PIK3C2G: variants seen among roughly 807,000 people sequenced by gnomAD.
PIK3C2G encodes phosphatidylinositol 3-kinase C2 domain-containing subunit gamma.
PIK3C2G carries 168 observed loss-of-function variants against 181.1 expected under a neutral mutation model. That is an observed-to-expected ratio of 0.93 (90% CI 0.82 to 1.05). The LOEUF is 1.05. Ranked by LOEUF, PIK3C2G falls within the 50% of genes least tolerant of loss-of-function variation. The pLI is 0.00. For missense variants in PIK3C2G, 1,869 were observed against 1,732.8 expected (o/e 1.08, Z -1.40); for synonymous variants, 573 against 592.2 (o/e 0.97, Z 0.47).
At chr12:18,706,568 C>A in the PIK3C2G span, among the ~76,000 whole-genome samples, 1 of 152,150 alleles carries the variant, frequency 6.6e-6, no homozygotes, top group African/African-American at 2.4e-5. Flanking sequence ...GTATTTTCTG[C>A]CCTTTCTCAT....
intron 21 of PIK3C2G, among the ~76,000 whole-genome samples, chr12:18,496,670 T>C (rs1325835481): frequency 6.6e-6 from 1 of 152,112 alleles, no homozygotes; most frequent in Non-Finnish European, 1.5e-5. Context: ...TATAAGCACG[T>C]AGGAAAGAGG....
At chr12:18,334,965 C>T (rs1041053800) in intron 8 of PIK3C2G, among the ~76,000 whole-genome samples, 3 of 152,064 alleles carry the variant, frequency 2.0e-5, no homozygotes, top group Non-Finnish European at 4.4e-5. Context: ...CAAAAAGTCA[C>T]AATAGCCTAG....
chr12:18,331,315 T>C (rs1448058129), intron 8 of PIK3C2G, among the ~76,000 whole-genome samples: 1 of 152,224 alleles, frequency 6.6e-6, no homozygotes, highest in Non-Finnish European at 1.5e-5. Flanking sequence ...CAATTTAATC[T>C]GATCTATTTC....
intron 24 of PIK3C2G, among the ~76,000 whole-genome samples, chr12:18,532,663 G>C (rs915683702): frequency 6.6e-6 from 1 of 152,064 alleles, no homozygotes. Context: ...TATTTATTCT[G>C]TTCCATTAGC....
intron 18 of PIK3C2G, among the ~76,000 whole-genome samples, chr12:18,450,249 C>A (rs1250468904): frequency 1.3e-5 from 2 of 152,208 alleles, no homozygotes; most frequent in Non-Finnish European, 2.9e-5. Context: ...GCCTCAGCAT[C>A]CCAAGTAGCT....
At chr12:18,640,368 T>C (rs1197193033) in intron 31 of PIK3C2G, 61 bp from the exon 32 acceptor site, 1 of 1,435,604 alleles carries the variant, frequency 7.0e-7, no homozygotes, top group Non-Finnish European at 9.6e-7. Flanking sequence ...ATTTAGTAGC[T>C]CTGTATTTGT....
chr12:18,695,082 G>C, the PIK3C2G span: 1 of 1,611,588 alleles, frequency 6.2e-7, no homozygotes, highest in Non-Finnish European at 8.5e-7. Flanking sequence ...TAAAGCCACT[G>C]TAAGAAAGAA....
chr12:18,630,948 T>C (rs1482253155), intron 31 of PIK3C2G, among the ~76,000 whole-genome samples: 1 of 151,694 alleles, frequency 6.6e-6, no homozygotes, highest in Non-Finnish European at 1.5e-5. Flanking sequence ...TTCAGGGGAG[T>C]GTTAAGTCTT....
intron 21 of PIK3C2G, among the ~76,000 whole-genome samples, chr12:18,497,211 C>T (rs891225051): frequency 3.3e-5 from 5 of 152,132 alleles, no homozygotes; most frequent in African/African-American, 9.7e-5. Context: ...AACTGCATAT[C>T]GGTGCATAAA....
intron 26 of PIK3C2G, among the ~76,000 whole-genome samples, chr12:18,555,855 G>A (rs1467582960): frequency 1.3e-5 from 2 of 152,124 alleles, no homozygotes; most frequent in African/African-American, 2.4e-5. Context: ...ATAAACATGA[G>A]TAGAATTCTT....
intron 28 of PIK3C2G, among the ~76,000 whole-genome samples, chr12:18,566,516 G>T (rs115131835): frequency 9.2e-5 from 14 of 152,150 alleles, no homozygotes; most frequent in Non-Finnish European, 1.8e-4. Flanking sequence ...GCAGATGGAC[G>T]CATATGTCAC....
the PIK3C2G span, among the ~76,000 whole-genome samples, chr12:18,703,882 AC>A: frequency 6.6e-6 from 1 of 152,214 alleles, no homozygotes; most frequent in South Asian, 2.1e-4. Context: ...TAAGGAAAAT[AC>A]AGAGGGCAAT....
At chr12:18,443,335 T>C (rs1174914079) in intron 18 of PIK3C2G, among the ~76,000 whole-genome samples, 6 of 152,152 alleles carry the variant, frequency 3.9e-5, no homozygotes, top group Non-Finnish European at 7.4e-5. Context: ...TGTATGTTTA[T>C]GTATATATAA....
intron 8 of PIK3C2G, among the ~76,000 whole-genome samples, chr12:18,337,946 T>C (rs1412404570): frequency 3.9e-5 from 6 of 152,178 alleles, no homozygotes; most frequent in Middle Eastern, 3.2e-3. Flanking sequence ...GATTTTCTAG[T>C]AAGTTTGCCC....
At chr12:18,520,474 C>T (rs1942839915) in intron 24 of PIK3C2G, among the ~76,000 whole-genome samples, 1 of 152,044 alleles carries the variant, frequency 6.6e-6, no homozygotes. Context: ...AGTCTTCAAA[C>T]TCTGATATTC....
chr12:18,249,208 A>G (rs1293251601), intron 1 of PIK3C2G, among the ~76,000 whole-genome samples: 1 of 152,166 alleles, frequency 6.6e-6, no homozygotes, highest in Admixed American at 6.5e-5. Flanking sequence ...TAAGAAATAA[A>G]GTTAATAGAA....
At chr12:18,445,980 T>C (rs1176675870) in intron 18 of PIK3C2G, among the ~76,000 whole-genome samples, 1 of 152,190 alleles carries the variant, frequency 6.6e-6, no homozygotes, top group Non-Finnish European at 1.5e-5. Flanking sequence ...TAATTTTCAT[T>C]GTAGTCTCAT....
rs183203596 is a variant in PIK3C2G, at chr12:18,413,121, A to C, written c.2316-7820A>C. Among the ~76,000 whole-genome samples, 5 of 152,098 alleles carry C rather than the reference A, an allele frequency of 3.3e-5. No individual in the cohort carries two copies. The East Asian group carries it at 9.7e-4, about 29-fold the overall frequency. On this transcript the variant is annotated intron_variant, in intron 16 of 32. Transcript: ENST00000538779. Reference sequence around the variant, plus strand: ...TAGAGTATTTTTTTCTTTGTCTCTCAGTGTCTTCATTGGACAATGGCCCAT... The same window carrying C: ...TAGAGTATTTTTTTCTTTGTCTCTCCGTGTCTTCATTGGACAATGGCCCAT...
chr12:18,468,725 G>T (rs1938156129), intron 18 of PIK3C2G, among the ~76,000 whole-genome samples: 1 of 152,022 alleles, frequency 6.6e-6, no homozygotes, highest in African/African-American at 2.4e-5. Flanking sequence ...AGCCATTTAT[G>T]ATTCAAAATT....
Sources: gnomAD v4.1 joint callset for allele counts (sites outside exome capture counted in the v4.1 genomes callset) on GRCh38, gnomAD v4.1.1 for gene constraint, MANE v1.5 for transcripts, NCBI Gene and HGNC (gene_info 2026-07-23, HGNC 2026-07-21) for gene names.